PRKCA: variants seen among roughly 807,000 people sequenced by gnomAD.
PRKCA encodes the protein protein kinase C alpha type.
A neutral mutation model predicts 87.0 loss-of-function variants in PRKCA; 27 were observed. The ratio of observed to expected loss-of-function variants is 0.31; its 90% CI spans 0.23 to 0.43. The LOEUF is 0.43. PRKCA is among the 20% of genes least tolerant of loss of function. PRKCA has a pLI of 1.00. For synonymous variants in PRKCA, 329 were observed against 311.1 expected (o/e 1.06, Z -0.61); for missense variants, 518 against 852.3 (o/e 0.61, Z 4.88).
Position 66,752,555 on chromosome 17 carries a change from G to A in PRKCA, c.1524+9795G>A, listed in dbSNP as rs185318401. Among the ~76,000 whole-genome samples, 47 of 152,274 alleles carry A rather than the reference G, an allele frequency of 3.1e-4. No homozygotes were observed. The East Asian group carries it at 8.7e-3, about 28-fold the overall frequency. On this transcript the variant is annotated intron_variant, in intron 13 of 16. Coordinates refer to ENST00000413366, the MANE Select transcript of PRKCA (RefSeq NM_002737.3). ...GGGGGCTGTGGTGAGCCAAGATCAT[G>A]CCAGTGCTCTCCAGCCTGGGCAACA...
chr17:66,684,057 C>A (rs1972561441), intron 5 of PRKCA, among the ~76,000 whole-genome samples: 1 of 152,188 alleles, frequency 6.6e-6, no homozygotes, highest in African/African-American at 2.4e-5. Context: ...GCCTCTTAGC[C>A]TGACATTCTT....
At chr17:66,327,462 G>T (rs1488125078) in intron 2 of PRKCA, among the ~76,000 whole-genome samples, 2 of 152,004 alleles carry the variant, frequency 1.3e-5, no homozygotes, top group African/African-American at 4.8e-5. Context: ...CTGGAACCCG[G>T]GAGGTGGAGG....
intron 3 of PRKCA, among the ~76,000 whole-genome samples, chr17:66,618,816 G>A (rs954941994): frequency 1.3e-5 from 2 of 152,160 alleles, no homozygotes; most frequent in African/African-American, 4.8e-5. Flanking sequence ...AATTGCTAAG[G>A]CAACTGTGTC....
chr17:66,492,256 T>C (rs1916280239), intron 2 of PRKCA, among the ~76,000 whole-genome samples: 1 of 152,150 alleles, frequency 6.6e-6, no homozygotes, highest in Admixed American at 6.5e-5. Context: ...GAAATTATTT[T>C]GGGATAGGTA....
intron 2 of PRKCA, among the ~76,000 whole-genome samples, chr17:66,334,897 A>G (rs1366421535): frequency 6.6e-6 from 1 of 152,224 alleles, no homozygotes; most frequent in Non-Finnish European, 1.5e-5. Flanking sequence ...ATGGGAACAC[A>G]TAGAGTGGAA....
chr17:66,575,645 G>T (rs907928112), intron 3 of PRKCA, among the ~76,000 whole-genome samples: 1 of 152,162 alleles, frequency 6.6e-6, no homozygotes, highest in Non-Finnish European at 1.5e-5. Flanking sequence ...CTGACCACAG[G>T]TAATTGAAAC....
intron 2 of PRKCA, among the ~76,000 whole-genome samples, chr17:66,375,612 G>A (rs1266929259): frequency 6.6e-6 from 1 of 152,172 alleles, no homozygotes; most frequent in Non-Finnish European, 1.5e-5. Flanking sequence ...CACAGGCCTT[G>A]TGTTATTAGA....
chr17:66,402,802 A>G (rs1432252121), intron 2 of PRKCA, among the ~76,000 whole-genome samples: 1 of 152,236 alleles, frequency 6.6e-6, no homozygotes, highest in Non-Finnish European at 1.5e-5. Flanking sequence ...CAAGTTCTAG[A>G]AGACACTGGA....
At position 66,357,161 on chromosome 17, in the gene PRKCA, A is replaced by G. The variant is rs76530378; in HGVS notation, c.205+51034A>G. ...GGGTCCCAGGCTAACAGTTCTCTCAAATGTGCTTCATGGCTCCTGAGTGCC... is the reference window on the plus strand; with the variant it reads ...GGGTCCCAGGCTAACAGTTCTCTCAGATGTGCTTCATGGCTCCTGAGTGCC... On this transcript the variant is annotated intron_variant, in intron 2 of 16. Transcript: ENST00000413366. Among the ~76,000 whole-genome samples the G allele has an allele frequency of 2.5e-3, 384 of 152,220 alleles. 1 individual carries two copies. Among genetic ancestry groups the G allele is most frequent in the African/African-American group, 7.9e-3 (330 of 41,532 alleles).
intron 8 of PRKCA, 31 bp from the exon 9 acceptor site, chr17:66,732,657 C>T (rs771309996): frequency 6.8e-6 from 11 of 1,613,416 alleles, no homozygotes; most frequent in Non-Finnish European, 8.5e-6. Context: ...AAAAATGACC[C>T]ACGTGTTTCC....
At chr17:66,801,156 T>C (rs1376644967) in intron 16 of PRKCA, among the ~76,000 whole-genome samples, 2 of 152,238 alleles carry the variant, frequency 1.3e-5, no homozygotes, top group Non-Finnish European at 2.9e-5. Flanking sequence ...CCTGATTCCC[T>C]AGTTTGGCTT....
intron 11 of PRKCA, 47 bp downstream of exon 11, chr17:66,738,902 C>A: frequency 1.4e-6 from 2 of 1,448,188 alleles, no homozygotes; most frequent in Non-Finnish European, 1.9e-6. Context: ...CCAAGTCCTA[C>A]CAACTGGAAA....
At chr17:66,521,686 G>C (rs1259865369) in intron 3 of PRKCA, among the ~76,000 whole-genome samples, 1 of 152,154 alleles carries the variant, frequency 6.6e-6, no homozygotes. Context: ...TTGAAAAGAA[G>C]GACTTTATGC....
At chr17:66,712,296 G>A (rs1443356784) in intron 8 of PRKCA, among the ~76,000 whole-genome samples, 1 of 152,178 alleles carries the variant, frequency 6.6e-6, no homozygotes, top group African/African-American at 2.4e-5. Flanking sequence ...GAAGGAACTC[G>A]TACTTGGGTC....
chr17:66,654,383 AT>A (rs1311374870), intron 5 of PRKCA, among the ~76,000 whole-genome samples: 1 of 151,632 alleles, frequency 6.6e-6, no homozygotes, highest in Non-Finnish European at 1.5e-5. Context: ...TATGTATTTC[AT>A]CCCAACCACC....
chr17:66,701,918 C>T, intron 8 of PRKCA, among the ~76,000 whole-genome samples: 1 of 152,054 alleles, frequency 6.6e-6, no homozygotes. Context: ...CTCTTAAATA[C>T]TTGAAAATAA....
At chr17:66,800,211 T>A (rs1269739716) in intron 16 of PRKCA, among the ~76,000 whole-genome samples, 2 of 152,238 alleles carry the variant, frequency 1.3e-5, no homozygotes, top group East Asian at 1.9e-4. Context: ...TCTCCCTCTT[T>A]GAGTTCAGGG....
rs1046224347 is a variant in PRKCA, at chr17:66,505,541, G to A, written c.288+9258G>A. 1.0e-3 allele frequency among the ~76,000 whole-genome samples: 152 copies of A among 152,236 alleles called. 2 individuals carry two copies. The highest frequency in any genetic ancestry group is 3.4e-3 in the African/African-American group (142 of 41,540). On this transcript the variant is annotated intron_variant, in intron 3 of 16. Coordinates refer to ENST00000413366, the MANE Select transcript of PRKCA (RefSeq NM_002737.3). ...AACTCCACTTTTGAATGGCCTGGAC[G>A]GGCAGTAGTACATCCTTTTCAAAAT...
At position 66,619,726 on chromosome 17, in the gene PRKCA, G is replaced by A. The variant is rs140607664; in HGVS notation, c.289-21629G>A. Among the ~76,000 whole-genome samples, 75 of 152,150 alleles carry A rather than the reference G, an allele frequency of 4.9e-4. 1 individual carries two copies. In the East Asian group the frequency reaches 0.011, roughly 23 times the overall value. On this transcript the variant is annotated intron_variant, in intron 3 of 16. Transcript: ENST00000413366. ...CTCTCTCCCCGTCTCAGTGTCTCAA[G>A]GAAAAACCTCATTAAGCAGACACCT...
Sources: allele counts gnomAD v4.1 joint callset (sites outside exome capture counted in the v4.1 genomes callset), GRCh38; gene constraint gnomAD v4.1.1; transcripts MANE v1.5; gene names NCBI Gene and HGNC (gene_info 2026-07-23, HGNC 2026-07-21).